The following CHD1L variants were observed in gnomAD, a reference collection of about 807,000 sequenced individuals.
CHD1L encodes the protein ATP-dependent chromatin remodeler CHD1L.
A neutral mutation model predicts 115.9 loss-of-function variants in CHD1L; 118 were observed. The observed-to-expected ratio is 1.02, with a 90% CI of 0.88 to 1.19. The LOEUF (loss-of-function observed/expected upper bound fraction) is 1.19, where lower values mean the gene tolerates loss of function less well. CHD1L is among the 50% of genes most tolerant of loss of function. CHD1L has a pLI of 0.00. For synonymous variants in CHD1L, 411 were observed against 387.1 expected, an observed-to-expected ratio of 1.06 and a Z score of -0.72; for missense variants, 1,179 against 1,065.3, an observed-to-expected ratio of 1.11 and a Z score of -1.49.
At chr1:147,204,578 G>C in the CHD1L span, 1 of 1,590,560 alleles carries the variant, frequency 6.3e-7, no homozygotes, top group African/African-American at 1.3e-5. Flanking sequence ...CCAATCCTCA[G>C]AAGTTCTTCA....
At position 147,285,456 on chromosome 1, in the gene CHD1L, A is replaced by G; in HGVS notation, c.1987A>G (p.Arg663Gly). 1 of 1,613,184 alleles carries G rather than the reference A, an allele frequency of 6.2e-7. No homozygotes were observed. Among genetic ancestry groups the G allele is most frequent in the Non-Finnish European group, 8.5e-7 (1 of 1,179,818 alleles). ...AAGGAGACTCATAGAGGAGAAGAAG[A>G]GGCAAAAGGAAGAGGCTGAACATAA... ...KRRRLIEEKK[R>G]QKEEAEHKKK... Residue 663 changes from arginine (R) to glycine (G), a missense_variant, in exon 17 of 23, where the codon AGG becomes GGG. Arg to Gly is a moderately radical substitution (Grantham distance 125). Coordinates refer to ENST00000369258, the MANE Select transcript of CHD1L (RefSeq NM_004284.6).
chr1:147,202,237 G>C, the CHD1L span, among the ~76,000 whole-genome samples: 1 of 150,160 alleles, frequency 6.7e-6, no homozygotes, highest in Non-Finnish European at 1.5e-5. Flanking sequence ...AAAAGTAATT[G>C]CTTATTTTTT....
rs1043534922 is a variant in CHD1L at position 147,284,469 on chromosome 1, A to C, written c.1824A>C (p.Gln608His). ...AAACCCTTTTGGAGAAAGCTAGTCA[A>C]GAGGGCCGATCACTCCGAAATAAAG... Reference protein sequence around the residue: ...LQKTLLEKASQEGRSLRNKGS... With the variant: ...LQKTLLEKASHEGRSLRNKGS... The change falls in exon 16 of 23, where the codon CAA becomes CAC. Residue 608 changes from glutamine to histidine, a missense_variant. Gln to His is a conservative substitution (Grantham distance 24). Coordinates refer to ENST00000369258, the MANE Select transcript of CHD1L (RefSeq NM_004284.6). 6.2e-7 allele frequency: 1 copy of C among 1,610,364 alleles called. No homozygotes were observed.
chr1:147,259,179 A>T (rs1397831755), intron 5 of CHD1L: 1 of 152,170 alleles, frequency 6.6e-6, no homozygotes, highest in African/African-American at 2.4e-5. Flanking sequence ...ATTTGCTTTT[A>T]TGACTGAAAC....
At chr1:147,289,360 T>G (rs1308269502) in intron 19 of CHD1L, among the ~76,000 whole-genome samples, 2 of 152,146 alleles carry the variant, frequency 1.3e-5, no homozygotes, top group Non-Finnish European at 2.9e-5. Context: ...GGGAACCTTG[T>G]GCGGTATTTT....
chr1:147,270,343 T>C (rs1437439370), intron 10 of CHD1L, among the ~76,000 whole-genome samples: 1 of 152,124 alleles, frequency 6.6e-6, no homozygotes, highest in African/African-American at 2.4e-5. Context: ...ATACAAAAAT[T>C]TTCTCGTGTT....
the CHD1L span, among the ~76,000 whole-genome samples, chr1:147,231,343 C>A: frequency 6.6e-6 from 1 of 152,098 alleles, no homozygotes; most frequent in African/African-American, 2.4e-5. Flanking sequence ...ATCCTGAGTT[C>A]TAGTTTGATT....
chr1:147,275,965 C>A, intron 13 of CHD1L, 139 bp from the exon 14 acceptor site: 1 of 808,220 alleles, frequency 1.2e-6, no homozygotes, highest in Non-Finnish European at 2.0e-6. Flanking sequence ...TGCTCAGGAC[C>A]AAATGAACCA....
chr1:147,278,222 G>GTTTTTTTTTTTTTTTTTTTTTTT (rs71083825), intron 14 of CHD1L, among the ~76,000 whole-genome samples: 1 of 91,130 alleles, frequency 1.1e-5, no homozygotes, highest in African/African-American at 4.5e-5. Context: ...TGTTTTTTGG[G>GTTTTTTTTTTTTTTTTTTTTTTT]TTTTTTTTTT....
At chr1:147,178,667 C>T in the CHD1L span, 2 of 1,573,556 alleles carry the variant, frequency 1.3e-6, no homozygotes, top group African/African-American at 1.4e-5. Flanking sequence ...TACCGATTTG[C>T]ACATACGAAT....
chr1:147,268,666 C>G (rs968206882), intron 9 of CHD1L, 116 bp from the exon 10 acceptor site: 5 of 712,638 alleles, frequency 7.0e-6, no homozygotes, highest in African/African-American at 1.8e-5. Context: ...GGACTGAGAT[C>G]ATCATGCAAA....
the CHD1L span, among the ~76,000 whole-genome samples, chr1:147,182,017 A>G: frequency 5.3e-5 from 8 of 152,318 alleles, no homozygotes; most frequent in African/African-American, 1.9e-4. Flanking sequence ...GGGTATAGGT[A>G]GTTGAGATGA....
intron 4 of CHD1L, 30 bp from the exon 5 acceptor site, chr1:147,256,501 C>G: frequency 6.2e-7 from 1 of 1,602,500 alleles, no homozygotes; most frequent in Non-Finnish European, 8.5e-7. Context: ...TCAATGCCAG[C>G]CTTTATAACG....
the CHD1L span, among the ~76,000 whole-genome samples, chr1:147,218,295 G>A: frequency 6.7e-6 from 1 of 150,242 alleles, no homozygotes; most frequent in Non-Finnish European, 1.5e-5. Flanking sequence ...GAGTGCAGTA[G>A]CACGATCTCA....
At chr1:147,292,298 G>A (rs1685833700) in intron 20 of CHD1L, among the ~76,000 whole-genome samples, 1 of 152,194 alleles carries the variant, frequency 6.6e-6, no homozygotes, top group South Asian at 2.1e-4. Flanking sequence ...CCATAATAAA[G>A]CAGGAGAGAG....
Position 147,270,950 on chromosome 1 carries a change from T to C in CHD1L, c.1104T>C (p.Leu368=), listed in dbSNP as rs1675949407. ...TTGCCAGGGGCCATCGGGTTTTACT[T>C]TTCTCCCAAATGACCCAGATGTTGG... is the stretch of plus-strand genomic sequence containing the variant. The part of the protein sequence containing the change: ...FLYSGGHRVL[L]FSQMTQMLDI... Residue 368 remains leucine, a synonymous_variant, in exon 11 of 23, where the codon CTT becomes CTC. Coordinates refer to ENST00000369258, the MANE Select transcript of CHD1L (RefSeq NM_004284.6). The C allele has an allele frequency of 6.2e-7, 1 of 1,613,978 alleles. No homozygotes were observed. Among genetic ancestry groups the C allele is most frequent in the African/African-American group, 1.3e-5 (1 of 74,916 alleles).
At chr1:147,264,371 C>T (rs1553946373) in intron 6 of CHD1L, 51 bp from the exon 7 acceptor site, 2 of 1,484,196 alleles carry the variant, frequency 1.3e-6, no homozygotes, top group South Asian at 1.3e-5. Flanking sequence ...GTAACTCAGC[C>T]TTGCATTCCA....
At chr1:147,272,663 A>G (rs868927195) in intron 12 of CHD1L, among the ~76,000 whole-genome samples, 14 of 152,202 alleles carry the variant, frequency 9.2e-5, no homozygotes, top group South Asian at 4.1e-4. Flanking sequence ...TCCTTCCTCT[A>G]TAAGTATTTC....
At chr1:147,282,672 A>G (rs1681383201) in intron 15 of CHD1L, among the ~76,000 whole-genome samples, 1 of 152,244 alleles carries the variant, frequency 6.6e-6, no homozygotes, top group African/African-American at 2.4e-5. Flanking sequence ...TTTTTAAGTT[A>G]TAATTGATTA....
Sources: allele counts gnomAD v4.1 joint callset (sites outside exome capture counted in the v4.1 genomes callset), GRCh38; gene constraint gnomAD v4.1.1; transcripts MANE v1.5; gene names NCBI Gene and HGNC (gene_info 2026-07-23, HGNC 2026-07-21).